The following SPATA7 variants were observed in gnomAD, a reference collection of about 807,000 sequenced individuals.
SPATA7 encodes the protein spermatogenesis associated 7, also known as spermatogenesis-associated protein 7.
In SPATA7, 43 loss-of-function variants were observed where a neutral mutation model predicts 51.8. That is an observed-to-expected ratio of 0.83 (90% CI 0.65 to 1.07). The LOEUF (loss-of-function observed/expected upper bound fraction) is 1.07. SPATA7 is among the 50% of genes least tolerant of loss of function. The pLI is 0.00. For synonymous variants in SPATA7, 230 were observed against 252.8 expected (o/e 0.91, Z 0.86); for missense variants, 683 against 701.3 (o/e 0.97, Z 0.30).
chr14:88,385,657 A>G lies in SPATA7; in HGVS notation c.-162A>G, dbSNP rs548805786. 25 of 733,072 alleles carry G rather than the reference A, an allele frequency of 3.4e-5. No homozygotes were observed. The highest frequency in any genetic ancestry group is 3.1e-4 in the South Asian group (21 of 67,364). 45.4% of individuals were successfully genotyped at this position (733,072 alleles called of 1,614,324 possible). A position where few individuals can be genotyped will look rare whatever the true frequency, so the allele number is the denominator to read the frequency against. The stretch of plus-strand genomic sequence containing the variant: ...CGCCGTGACGTCACAATAGCGACTC[A>G]CTGGACCCAGCCCTTAGCAACGGCC... On this transcript the variant is annotated 5_prime_UTR_variant, in exon 1 of 12. Transcript: ENST00000393545.
chr14:88,405,965 C>T (rs1471921149), intron 4 of SPATA7, among the ~76,000 whole-genome samples: 2 of 152,118 alleles, frequency 1.3e-5, no homozygotes, highest in Non-Finnish European at 2.9e-5. Context: ...GGAATTTTTC[C>T]TTTTTGCTAC....
At chr14:88,389,286 T>G (rs73319864) in intron 1 of SPATA7, among the ~76,000 whole-genome samples, 5,330 of 151,878 alleles carry the variant, frequency 0.035, 310 homozygotes, top group African/African-American at 0.12. Context: ...CTGGAGTGCA[T>G]TGCAGCCTCC....
At chr14:88,409,439 TC>T (rs1042773272) in intron 4 of SPATA7, among the ~76,000 whole-genome samples, 13 of 152,196 alleles carry the variant, frequency 8.5e-5, no homozygotes, top group Non-Finnish European at 1.9e-4. Flanking sequence ...AGTGGTGATA[TC>T]CCCTTTGTCG....
At chr14:88,444,141 A>G (rs1341797257) in intron 3 of SPATA7, among the ~76,000 whole-genome samples, 3 of 151,798 alleles carry the variant, frequency 2.0e-5, no homozygotes, top group African/African-American at 7.3e-5. Context: ...CCTCTCCAGC[A>G]CCTGTTGTTT....
At chr14:88,386,198 A>G (rs1205893416) in intron 1 of SPATA7, among the ~76,000 whole-genome samples, 1 of 152,140 alleles carries the variant, frequency 6.6e-6, no homozygotes, top group Non-Finnish European at 1.5e-5. Flanking sequence ...TCTGCTCTCC[A>G]TGGAGACGAC....
chr14:88,454,954 C>T (rs2077274724), intron 3 of SPATA7: 1 of 395,624 alleles, frequency 2.5e-6, no homozygotes, highest in Non-Finnish European at 5.0e-6. Flanking sequence ...TAATGTGTAT[C>T]AAAATCACCT....
intron 9 of SPATA7, among the ~76,000 whole-genome samples, chr14:88,432,099 TAAAG>T (rs894705987): frequency 4.6e-5 from 7 of 152,122 alleles, no homozygotes; most frequent in East Asian, 1.9e-4. Context: ...AATAAAATAA[TAAAG>T]AAGAGTTTTA....
chr14:88,413,901 C>T (rs995972254), intron 4 of SPATA7, among the ~76,000 whole-genome samples: 31 of 152,030 alleles, frequency 2.0e-4, no homozygotes, highest in African/African-American at 7.0e-4. Context: ...AGGAATGAAG[C>T]CTACTTGACT....
downstream of SPATA7, among the ~76,000 whole-genome samples, chr14:88,441,349 T>C (rs576118669): frequency 6.6e-6 from 1 of 152,322 alleles, no homozygotes; most frequent in East Asian, 1.9e-4. Context: ...CTTCTTTTCC[T>C]CTGGGTAGAT....
intron 5 of SPATA7, among the ~76,000 whole-genome samples, chr14:88,422,646 T>A (rs1403540538): frequency 6.7e-6 from 1 of 149,580 alleles, no homozygotes; most frequent in East Asian, 1.9e-4. Flanking sequence ...TATATTTCTG[T>A]AAATGTTAGA....
Position 88,427,638 on chromosome 14 carries a change from C to G in SPATA7, c.854C>G (p.Ser285Cys), listed in dbSNP as rs2076832785. 6.2e-7 allele frequency: 1 copy of G among 1,603,782 alleles called. No homozygotes were observed. Among genetic ancestry groups the G allele is most frequent in the Non-Finnish European group, 8.5e-7 (1 of 1,171,822 alleles). Reference sequence around the variant, plus strand: ...ATTTTAAATTATTACAGCTTTAAATCTGAGTTGGGGACAGCTGAGACTAAA... The same window carrying G: ...ATTTTAAATTATTACAGCTTTAAATGTGAGTTGGGGACAGCTGAGACTAAA... ...AETQTELSFK[S>C]ELGTAETKNM... Residue 285 changes from serine to cysteine, a missense_variant, in exon 7 of 12, where the codon TCT becomes TGT. Transcript: ENST00000393545.
downstream of SPATA7, among the ~76,000 whole-genome samples, chr14:88,440,149 A>G (rs2077168433): frequency 6.6e-6 from 1 of 152,052 alleles, no homozygotes; most frequent in African/African-American, 2.4e-5. Flanking sequence ...TAACTACCCC[A>G]GACCTACTGG....
chr14:88,440,274 G>A (rs58739279), downstream of SPATA7, among the ~76,000 whole-genome samples: 3,953 of 152,228 alleles, frequency 0.026, 178 homozygotes, highest in African/African-American at 0.09. Flanking sequence ...CCCCAGACCT[G>A]CCCTATTTGA....
At position 88,398,465 on chromosome 14, in the gene SPATA7, T is replaced by G. The variant is rs1427869799; in HGVS notation, c.238+2262T>G. Among the ~76,000 whole-genome samples the G allele has an allele frequency of 5.9e-5, 7 of 118,152 alleles. 1 individual carries two copies. In the South Asian group the frequency reaches 1.1e-3, roughly 19 times the overall value. The allele number at this position is 118,152 out of a possible 152,430, so 77.5% of individuals were successfully genotyped here. A position where few individuals can be genotyped will look rare whatever the true frequency, so the allele number is the denominator to read the frequency against. Reference sequence around the variant, plus strand: ...GGACACAGGAAGGGGAACATCACACTCTGGGGACTGTTGTGGGGTGGGGGG... The same window carrying G: ...GGACACAGGAAGGGGAACATCACACGCTGGGGACTGTTGTGGGGTGGGGGG... On this transcript the variant is annotated intron_variant, in intron 4 of 11. Coordinates refer to ENST00000393545, the MANE Select transcript of SPATA7 (RefSeq NM_018418.5).
Position 88,400,605 on chromosome 14 carries a change from A to C in SPATA7, c.238+4402A>C, listed in dbSNP as rs2076028401. On this transcript the variant is annotated intron_variant, in intron 4 of 11. Coordinates refer to ENST00000393545, the MANE Select transcript of SPATA7 (RefSeq NM_018418.5). The stretch of plus-strand genomic sequence containing the variant: ...TCCCAGCACTTTGGGAGGCCAAGAC[A>C]GGCAGATCACTTGAGGTCAGGAGTT... 2.0e-5 allele frequency among the ~76,000 whole-genome samples: 3 copies of C among 152,240 alleles called. No homozygotes were observed. In the South Asian group the frequency reaches 6.2e-4, roughly 32 times the overall value.
chr14:88,438,549 G>A (rs1200307399), downstream of SPATA7: 15 of 807,000 alleles, frequency 1.9e-5, no homozygotes, highest in East Asian at 5.3e-5. Flanking sequence ...GAAACCTAGC[G>A]GCCTAATGTG....
At chr14:88,398,552 C>T (rs984994416) in intron 4 of SPATA7, among the ~76,000 whole-genome samples, 10 of 150,360 alleles carry the variant, frequency 6.7e-5, no homozygotes, top group East Asian at 3.9e-4. Context: ...GTGGGTGCAG[C>T]GCACCAGCGT....
chr14:88,398,528 T>C (rs2075963676), intron 4 of SPATA7, among the ~76,000 whole-genome samples: 1 of 149,518 alleles, frequency 6.7e-6, no homozygotes, highest in Admixed American at 6.6e-5. Context: ...TACCTAATGC[T>C]AGATGACGAG....
chr14:88,421,724 G>C (rs899915437), intron 5 of SPATA7, among the ~76,000 whole-genome samples: 1 of 152,172 alleles, frequency 6.6e-6, no homozygotes, highest in African/African-American at 2.4e-5. Context: ...GCTGAGGCGG[G>C]CGGATCACAA....
Sources: allele counts gnomAD v4.1 joint callset (sites outside exome capture counted in the v4.1 genomes callset), GRCh38; gene constraint gnomAD v4.1.1; transcripts MANE v1.5; gene names NCBI Gene and HGNC (gene_info 2026-07-23, HGNC 2026-07-21).